Variants in NELFB observed in about 807,000 individuals in gnomAD.
NELFB encodes negative elongation factor complex member B.
In NELFB, 34 loss-of-function variants were observed where a neutral mutation model predicts 60.2. The observed-to-expected ratio is 0.56, with a 90% CI of 0.43 to 0.75. NELFB has a LOEUF of 0.75. NELFB is among the 30% of genes least tolerant of loss of function. NELFB has a pLI of 0.00. For synonymous variants in NELFB, 459 were observed against 382.1 expected (o/e 1.20, Z -2.35); for missense variants, 770 against 831.6 (o/e 0.93, Z 0.91).
At chr9:137,268,253 A>T (rs1019049640) in intron 10 of NELFB, among the ~76,000 whole-genome samples, 4 of 152,118 alleles carry the variant, frequency 2.6e-5, no homozygotes, top group African/African-American at 9.7e-5. Context: ...AGTCCACGTT[A>T]TGCTGCTCTA....
At chr9:137,264,161 A>G in intron 5 of NELFB, 84 bp from the exon 6 acceptor site, 3 of 1,028,518 alleles carry the variant, frequency 2.9e-6, no homozygotes, top group South Asian at 1.4e-5. Context: ...ACAAGAGGCC[A>G]GGGCCTGGAG....
chr9:137,264,323 G>C lies in NELFB; in HGVS notation c.1006G>C (p.Asp336His). Reference sequence around the variant, plus strand: ...GGCGCGGGAGCTGCAGGGGTTTCTCGATGGCGTCAAGAAGGGCCAGGAGCA... The same window carrying C: ...GGCGCGGGAGCTGCAGGGGTTTCTCCATGGCGTCAAGAAGGGCCAGGAGCA... The change falls in exon 6 of 13, where the codon GAT (aspartate) becomes CAT (histidine). Residue 336 changes from aspartate to histidine, a missense_variant. Transcript: ENST00000343053. 1 of 1,600,840 alleles carries C rather than the reference G, an allele frequency of 6.2e-7. No individual in the cohort carries two copies. The highest frequency in any genetic ancestry group is 8.5e-7 in the Non-Finnish European group (1 of 1,175,162).
At chr9:137,259,082 T>C (rs1407371018) in intron 4 of NELFB, among the ~76,000 whole-genome samples, 1 of 152,146 alleles carries the variant, frequency 6.6e-6, no homozygotes, top group Non-Finnish European at 1.5e-5. Flanking sequence ...TCTCAACTAC[T>C]CAGGAGGCTG....
intron 4 of NELFB, 74 bp from the exon 5 acceptor site, chr9:137,262,963 T>C: frequency 6.5e-7 from 1 of 1,533,208 alleles, no homozygotes. Flanking sequence ...GGCCGCGCTG[T>C]CGCCGGGCGT....
At chr9:137,259,224 C>T (rs765410795) in intron 4 of NELFB, among the ~76,000 whole-genome samples, 6 of 152,066 alleles carry the variant, frequency 3.9e-5, no homozygotes, top group Non-Finnish European at 8.8e-5. Flanking sequence ...AGCTATAATG[C>T]TTTTTGCGGG....
In NELFB at chr9:137,255,420, G is replaced by C; in HGVS notation, c.55G>C (p.Ala19Pro). ...GGGCTCGGGCGGTCCCCGAGGCCCG[G>C]CGGAGCGGGCTTCTGGGGTGTCTGC... Residue 19 changes from alanine to proline, a missense_variant, in exon 1 of 13, where the codon GCG becomes CCG. By Grantham distance (27) the Ala-to-Pro change is conservative. Transcript: ENST00000343053. The C allele has an allele frequency of 8.7e-7, 1 of 1,155,482 alleles. No individual in the cohort carries two copies. The highest frequency in any genetic ancestry group is 1.1e-6 in the Non-Finnish European group (1 of 882,806). The allele number at this position is 1,155,482 out of a possible 1,614,324, so 71.6% of individuals were successfully genotyped here.
intron 6 of NELFB, among the ~76,000 whole-genome samples, chr9:137,265,310 CTTTT>C (rs916133533): frequency 6.8e-6 from 1 of 146,114 alleles, no homozygotes; most frequent in African/African-American, 2.5e-5. Flanking sequence ...CACACCCAGC[CTTTT>C]TTTTGTTTGT....
In NELFB at chr9:137,256,825, T is replaced by A; in HGVS notation, c.512T>A (p.Val171Asp). Reference sequence around the variant, plus strand: ...CAGGCAGCCTGTGGTGTCATGTAGGTTCCGGAGAAAAAACTGAAGCTGGTT... The same window carrying A: ...CAGGCAGCCTGTGGTGTCATGTAGGATCCGGAGAAAAAACTGAAGCTGGTT... Residue 171 changes from valine (V) to aspartate (D), a missense_variant and splice_region_variant, in exon 4 of 13, where the codon GTT (valine) becomes GAT (aspartate). Transcript: ENST00000343053. The A allele has an allele frequency of 6.2e-7, 1 of 1,613,854 alleles. No individual in the cohort carries two copies.
chr9:137,256,868 G>T lies in NELFB; in HGVS notation c.555G>T (p.Leu185=). 3.7e-6 allele frequency: 6 copies of T among 1,614,210 alleles called. No individual in the cohort carries two copies. Among genetic ancestry groups the T allele is most frequent in the Non-Finnish European group, 5.1e-6 (6 of 1,180,040 alleles). The change falls in exon 4 of 13, where the codon CTG becomes CTT. Residue 185 remains leucine, a synonymous_variant. Coordinates refer to ENST00000343053, the MANE Select transcript of NELFB (RefSeq NM_015456.5). The stretch of plus-strand genomic sequence containing the variant: ...AGCTGGTTATGGCTGACAAGGAGCT[G>T]TATCGAGCCTGCGCCGTGGAGGTGA...
In NELFB at chr9:137,263,209, A is replaced by T. The variant is rs1415392141; in HGVS notation, c.914A>T (p.Asp305Val). Reference sequence around the variant, plus strand: ...GACGTGGGTGAAATCTGCACCGTGGACCCGTGCCACAAGGTAGCACTGCCC... The same window carrying T: ...GACGTGGGTGAAATCTGCACCGTGGTCCCGTGCCACAAGGTAGCACTGCCC... Residue 305 changes from aspartate (D) to valine (V), a missense_variant, in exon 5 of 13, where the codon GAC (aspartate) becomes GTC (valine). Coordinates refer to ENST00000343053, the MANE Select transcript of NELFB (RefSeq NM_015456.5). 1.9e-6 allele frequency: 3 copies of T among 1,611,280 alleles called. No homozygotes were observed. Among genetic ancestry groups the T allele is most frequent in the Non-Finnish European group, 2.5e-6 (3 of 1,178,814 alleles).
chr9:137,272,848 A>AAGCCC lies in NELFB; in HGVS notation c.1813_1817dup (p.Gln608ArgfsTer208). ...GAAGCTGGAACAGCTGGATCACCGG[A>AAGCCC]AGCCCAGCCCGGCACAGGCTGCGGA... On this transcript the variant is annotated frameshift_variant, in exon 13 of 13. Transcript: ENST00000343053. LOFTEE classifies it low-confidence loss of function (END_TRUNC). 1 of 1,549,854 alleles carries AAGCCC rather than the reference A, an allele frequency of 6.5e-7. No homozygotes were observed. The highest frequency in any genetic ancestry group is 1.2e-5 in the South Asian group (1 of 83,992).
intron 5 of NELFB, 116 bp from the exon 6 acceptor site, chr9:137,264,129 C>A: frequency 2.7e-6 from 2 of 731,050 alleles, no homozygotes; most frequent in South Asian, 1.6e-5. Context: ...CTGCTGCCGC[C>A]CCCCGCAGCA....
At chr9:137,270,790 G>A (rs1190411840) in intron 10 of NELFB, among the ~76,000 whole-genome samples, 2 of 151,662 alleles carry the variant, frequency 1.3e-5, no homozygotes, top group East Asian at 1.9e-4. Context: ...GCGCGGTGGC[G>A]CACGCGTGTA....
intron 4 of NELFB, among the ~76,000 whole-genome samples, chr9:137,261,081 G>A (rs183811061): frequency 4.2e-4 from 64 of 151,454 alleles, no homozygotes; most frequent in African/African-American, 1.5e-3. Context: ...AGTGACTCAC[G>A]CCTGTAATCC....
intron 4 of NELFB, among the ~76,000 whole-genome samples, chr9:137,259,962 C>G (rs1830410870): frequency 1.3e-5 from 2 of 151,542 alleles, no homozygotes; most frequent in Non-Finnish European, 2.9e-5. Flanking sequence ...AATCTCCTGA[C>G]CTTGTGATCC....
At chr9:137,262,371 T>C (rs1830459636) in intron 4 of NELFB, among the ~76,000 whole-genome samples, 2 of 152,210 alleles carry the variant, frequency 1.3e-5, no homozygotes, top group Non-Finnish European at 1.5e-5. Flanking sequence ...GCGTCACCGC[T>C]AGACCAAGGA....
At chr9:137,262,402 A>G (rs779393288) in intron 4 of NELFB, among the ~76,000 whole-genome samples, 11 of 152,198 alleles carry the variant, frequency 7.2e-5, no homozygotes, top group Admixed American at 5.2e-4. Context: ...GGCCCTGTCC[A>G]GGCATAACAG....
rs1036810427 is a variant in NELFB at position 137,256,701 on chromosome 9, AGGTGCC to A, written c.511-122_511-117del. 3 of 873,690 alleles carry A rather than the reference AGGTGCC, an allele frequency of 3.4e-6. No individual in the cohort carries two copies. The African/African-American group carries it at 5.0e-5, about 15-fold the overall frequency. 54.1% of individuals were successfully genotyped at this position (873,690 alleles called of 1,614,324 possible). A position where few individuals can be genotyped will look rare whatever the true frequency, so the allele number is the denominator to read the frequency against. ...ATGCTGGGGCCGGGGAACCAGTCAT[AGGTGCC>A]CTGTGGGGTGGAGCTTAGCTCGAGG... On this transcript the variant is annotated intron_variant, in intron 3 of 12. Transcript: ENST00000343053.
At chr9:137,261,618 A>G (rs1023441083) in intron 4 of NELFB, among the ~76,000 whole-genome samples, 2 of 150,402 alleles carry the variant, frequency 1.3e-5, no homozygotes, top group South Asian at 4.2e-4. Context: ...AGATCTTGCC[A>G]TTGCACTCCA....
Sources: gnomAD v4.1 joint callset for allele counts (sites outside exome capture counted in the v4.1 genomes callset) on GRCh38, gnomAD v4.1.1 for gene constraint, MANE v1.5 for transcripts, NCBI Gene and HGNC (gene_info 2026-07-23, HGNC 2026-07-21) for gene names.